The following FAT3 variants were observed in gnomAD, a reference collection of about 807,000 sequenced individuals.
FAT3 encodes the protein protocadherin Fat 3.
In FAT3, 95 loss-of-function variants were observed where a neutral mutation model predicts 310.2. The ratio of observed to expected loss-of-function variants is 0.31; its 90% CI spans 0.26 to 0.36. FAT3 has a LOEUF of 0.36. Among genes scored for constraint, FAT3 ranks in the 10% least tolerant of loss-of-function variants. FAT3 has a pLI of 1.00. For missense variants in FAT3, 5,408 were observed against 5,715.6 expected, an observed-to-expected ratio of 0.95 and a Z score of 1.74; for synonymous variants, 2,314 against 2,192.9, an observed-to-expected ratio of 1.06 and a Z score of -1.54.
intron 3 of FAT3, among the ~76,000 whole-genome samples, chr11:92,679,351 T>C (rs193161232): frequency 6.6e-6 from 1 of 152,098 alleles, no homozygotes; most frequent in African/African-American, 2.4e-5. Flanking sequence ...AGTAGTTCTA[T>C]TTTTAGGTAT....
chr11:92,713,905 A>G (rs970321009), intron 4 of FAT3, among the ~76,000 whole-genome samples: 1 of 152,204 alleles, frequency 6.6e-6, no homozygotes, highest in Non-Finnish European at 1.5e-5. Context: ...CAGCATTCTT[A>G]TGGTAATTTT....
At chr11:92,388,163 T>C (rs112901979) in intron 2 of FAT3, among the ~76,000 whole-genome samples, 3 of 152,344 alleles carry the variant, frequency 2.0e-5, no homozygotes, top group African/African-American at 7.2e-5. Context: ...CAGCATGGTT[T>C]TGTGGATGTG....
intron 4 of FAT3, among the ~76,000 whole-genome samples, chr11:92,702,973 G>A (rs1944147950): frequency 1.3e-5 from 2 of 152,208 alleles, no homozygotes; most frequent in Admixed American, 1.3e-4. Flanking sequence ...AGAGAATGTG[G>A]TTAAATGTAA....
intron 14 of FAT3, among the ~76,000 whole-genome samples, chr11:92,832,387 C>G (rs375098659): frequency 6.6e-6 from 1 of 151,920 alleles, no homozygotes. Context: ...CTGCTTCTCC[C>G]GAAAACACTC....
At chr11:92,846,720 A>C (rs1377991117) in intron 19 of FAT3, among the ~76,000 whole-genome samples, 1 of 152,186 alleles carries the variant, frequency 6.6e-6, no homozygotes, top group East Asian at 1.9e-4. Context: ...GTAAATTTAG[A>C]ATGCCAGAAG....
chr11:92,306,124 A>G (rs1440350453), intron 1 of FAT3, among the ~76,000 whole-genome samples: 3 of 152,038 alleles, frequency 2.0e-5, no homozygotes, highest in Non-Finnish European at 2.9e-5. Context: ...TATTGAATTA[A>G]TGGATTCATT....
chr11:92,782,534 T>A (rs1431915449), intron 7 of FAT3, among the ~76,000 whole-genome samples: 1 of 152,110 alleles, frequency 6.6e-6, no homozygotes, highest in Non-Finnish European at 1.5e-5. Flanking sequence ...ATCACACCAC[T>A]ATACTCCAAA....
intron 2 of FAT3, among the ~76,000 whole-genome samples, chr11:92,388,217 A>C (rs912244926): frequency 1.3e-5 from 2 of 152,200 alleles, no homozygotes; most frequent in Non-Finnish European, 2.9e-5. Context: ...AGGAAATTAA[A>C]TTATTTGAGG....
chr11:92,482,645 C>A (rs1374628193), intron 2 of FAT3, among the ~76,000 whole-genome samples: 1 of 152,134 alleles, frequency 6.6e-6, no homozygotes, highest in Non-Finnish European at 1.5e-5. Flanking sequence ...AGCTCCGCAT[C>A]CCTCTCAGCT....
chr11:92,533,319 G>T (rs1208693727), intron 3 of FAT3, among the ~76,000 whole-genome samples: 1 of 152,056 alleles, frequency 6.6e-6, no homozygotes, highest in Non-Finnish European at 1.5e-5. Context: ...ACTACACATA[G>T]CCCCTGAGCC....
chr11:92,435,594 C>G (rs977310788), intron 2 of FAT3, among the ~76,000 whole-genome samples: 9 of 117,718 alleles, frequency 7.6e-5, no homozygotes, highest in Non-Finnish European at 1.4e-4. Flanking sequence ...GAAACAGTGT[C>G]TTGTTCTATT....
At chr11:92,385,192 A>G (rs1403870442) in intron 2 of FAT3, among the ~76,000 whole-genome samples, 1 of 152,208 alleles carries the variant, frequency 6.6e-6, no homozygotes, top group Admixed American at 6.5e-5. Flanking sequence ...TTCTCTTTCT[A>G]CAGTCAGGAA....
rs754682148 is a variant in FAT3 at position 92,354,325 on chromosome 11, A to G, written c.2213A>G (p.Asp738Gly). Reference protein sequence around the residue: ...SFPSDVAVKEDLPVGANILKI... With the variant: ...SFPSDVAVKEGLPVGANILKI... ...CCTTCTGATGTGGCTGTAAAGGAGG[A>G]TCTGCCAGTTGGTGCTAACATTCTG... is the stretch of plus-strand genomic sequence containing the variant. Residue 738 changes from aspartate (D) to glycine (G), a missense_variant, in exon 2 of 28, where the codon GAT becomes GGT. Asp to Gly is a moderately conservative substitution (Grantham distance 94, BLOSUM62 -1). Transcript: ENST00000525166. 36 of 1,613,712 alleles carry G rather than the reference A, an allele frequency of 2.2e-5. No homozygotes were observed. Among genetic ancestry groups the G allele is most frequent in the Admixed American group, 1.7e-5 (1 of 59,980 alleles).
chr11:92,420,323 A>G (rs992369533), intron 2 of FAT3, among the ~76,000 whole-genome samples: 4 of 152,218 alleles, frequency 2.6e-5, no homozygotes, highest in Admixed American at 1.3e-4. Flanking sequence ...AAGTCCATAC[A>G]TCATGGTTTC....
In FAT3 at chr11:92,370,199, CTA is replaced by C. The variant is rs151223482; in HGVS notation, c.3292+14799_3292+14800del. 8.7e-3 allele frequency among the ~76,000 whole-genome samples: 1,328 copies of C among 152,236 alleles called. 14 individuals carry two copies. The highest frequency in any genetic ancestry group is 0.031 in the African/African-American group (1,286 of 41,548). On this transcript the variant is annotated intron_variant, in intron 2 of 27. Coordinates refer to ENST00000525166, the MANE Select transcript of FAT3 (RefSeq NM_001367949.2). ...CTATAAATAATCTAACTTATAATCT[CTA>C]TATTAGTAGCGTATCTTAGAATCCA...
intron 2 of FAT3, among the ~76,000 whole-genome samples, chr11:92,407,219 T>C (rs1025759368): frequency 1.3e-5 from 2 of 152,112 alleles, no homozygotes; most frequent in African/African-American, 2.4e-5. Context: ...GAGATGGAGA[T>C]TGACTTTGAA....
chr11:92,413,326 C>T (rs1240174089), intron 2 of FAT3, among the ~76,000 whole-genome samples: 1 of 152,120 alleles, frequency 6.6e-6, no homozygotes, highest in Non-Finnish European at 1.5e-5. Flanking sequence ...ATTTACTGTG[C>T]TGATAAGGTG....
intron 2 of FAT3, among the ~76,000 whole-genome samples, chr11:92,461,434 G>C (rs1481433088): frequency 3.9e-5 from 6 of 152,044 alleles, no homozygotes; most frequent in Non-Finnish European, 7.4e-5. Context: ...AAAAATTAGA[G>C]TTAACACATT....
At chr11:92,515,288 C>T (rs571259123) in intron 2 of FAT3, among the ~76,000 whole-genome samples, 203 of 152,112 alleles carry the variant, frequency 1.3e-3, no homozygotes, top group African/African-American at 4.6e-3. Flanking sequence ...TTCTGCCTAT[C>T]TTTATAAATA....
Sources: allele counts gnomAD v4.1 joint callset (sites outside exome capture counted in the v4.1 genomes callset), GRCh38; gene constraint gnomAD v4.1.1; transcripts MANE v1.5; gene names NCBI Gene and HGNC (gene_info 2026-07-23, HGNC 2026-07-21).